Variants in ARID5B observed in about 807,000 individuals in gnomAD.
The protein encoded by ARID5B is AT-rich interactive domain-containing protein 5B.
Under a neutral mutation model 97.2 loss-of-function variants are expected in ARID5B, and 13 were observed. The ratio of observed to expected loss-of-function variants is 0.13; its 90% CI spans 0.09 to 0.21. The LOEUF is 0.21. Ranked by LOEUF, ARID5B falls within the 10% of genes least tolerant of loss-of-function variation. The probability of loss-of-function intolerance (pLI) is 1.00; values close to 1 mark genes in which losing one functional copy is unlikely to be tolerated. For synonymous variants in ARID5B, 556 were observed against 570.3 expected, an observed-to-expected ratio of 0.97 and a Z score of 0.36; for missense variants, 1,210 against 1,465.3, an observed-to-expected ratio of 0.83 and a Z score of 2.84.
At chr10:62,051,255 T>C in intron 5 of ARID5B, 1 of 572,896 alleles carries the variant, frequency 1.7e-6, no homozygotes, top group Non-Finnish European at 3.1e-6. Context: ...CTGTTATGAG[T>C]AAAGGACAGA....
At chr10:61,905,747 C>G (rs1011558881) in intron 2 of ARID5B, among the ~76,000 whole-genome samples, 8 of 152,106 alleles carry the variant, frequency 5.3e-5, no homozygotes, top group African/African-American at 1.7e-4. Flanking sequence ...TCAGTTTTGC[C>G]AAAGGTCACC....
At chr10:61,931,394 TA>T (rs1844207352) in intron 2 of ARID5B, among the ~76,000 whole-genome samples, 1 of 152,102 alleles carries the variant, frequency 6.6e-6, no homozygotes, top group Non-Finnish European at 1.5e-5. Context: ...AATGTAAACC[TA>T]TAAAACTTTT....
At chr10:61,962,144 G>A (rs1330369249) in intron 3 of ARID5B, among the ~76,000 whole-genome samples, 1 of 152,176 alleles carries the variant, frequency 6.6e-6, no homozygotes, top group Non-Finnish European at 1.5e-5. Context: ...GCATAACGTT[G>A]CACAACTGAG....
chr10:62,082,568 C>A (rs771680483), intron 8 of ARID5B, among the ~76,000 whole-genome samples: 8 of 152,166 alleles, frequency 5.3e-5, no homozygotes, highest in South Asian at 4.1e-4. Flanking sequence ...AAATAATCAA[C>A]CTCAAGGCGC....
chr10:61,977,508 C>T (rs907036357), intron 3 of ARID5B, among the ~76,000 whole-genome samples: 2 of 152,222 alleles, frequency 1.3e-5, no homozygotes, highest in African/African-American at 2.4e-5. Flanking sequence ...TCCACATCCT[C>T]TCCAGCACCT....
intron 4 of ARID5B, among the ~76,000 whole-genome samples, chr10:62,046,163 C>G (rs1839705954): frequency 6.6e-6 from 1 of 152,106 alleles, no homozygotes; most frequent in African/African-American, 2.4e-5. Flanking sequence ...AGCAGTTTAT[C>G]TATCTTCGTG....
intron 3 of ARID5B, among the ~76,000 whole-genome samples, chr10:61,996,596 A>T (rs1380478619): frequency 6.6e-6 from 1 of 152,180 alleles, no homozygotes; most frequent in Non-Finnish European, 1.5e-5. Context: ...TGCCACTAAT[A>T]AGGTTGTTGT....
At chr10:62,059,101 G>T in intron 6 of ARID5B, 142 bp from the exon 7 acceptor site, 1 of 586,638 alleles carries the variant, frequency 1.7e-6, no homozygotes, top group Non-Finnish European at 2.9e-6. Context: ...TGGGCAAATT[G>T]TTTCCTAAGA....
At position 61,902,407 on chromosome 10, in the gene ARID5B, T is replaced by C. The variant is rs777696203; in HGVS notation, c.270T>C (p.His90=). The change falls in exon 2 of 10, where the codon CAT becomes CAC. Residue 90 remains histidine (H), a synonymous_variant. Transcript: ENST00000279873. ...CTCCCCAGGGCAGAAATAGCGACCA[T>C]GGCGAGGTGGTAAACCTGTCTGTCC... ...EDTPQGRNSD[H]GEDEVIAVSE... 6.2e-7 allele frequency: 1 copy of C among 1,613,890 alleles called. No homozygotes were observed. The highest frequency in any genetic ancestry group is 8.5e-7 in the Non-Finnish European group (1 of 1,179,852).
intron 3 of ARID5B, among the ~76,000 whole-genome samples, chr10:61,946,058 TTTTATATA>T (rs1307062627): frequency 4.0e-5 from 6 of 148,214 alleles, no homozygotes; most frequent in South Asian, 2.1e-4. Context: ...AACATAAACA[TTTTATATA>T]TTTATATATT....
At chr10:61,911,404 T>C (rs1170389394) in intron 2 of ARID5B, among the ~76,000 whole-genome samples, 1 of 152,206 alleles carries the variant, frequency 6.6e-6, no homozygotes, top group Non-Finnish European at 1.5e-5. Context: ...TTATTAATAG[T>C]CAAAAATATG....
chr10:61,951,349 CTTCT>C (rs369806378), intron 3 of ARID5B, among the ~76,000 whole-genome samples: 7 of 152,270 alleles, frequency 4.6e-5, no homozygotes, highest in African/African-American at 1.7e-4. Context: ...AGTGGTATTG[CTTCT>C]TTCTTCCCTA....
chr10:62,067,557 CA>C (rs1840010204), intron 7 of ARID5B, among the ~76,000 whole-genome samples: 1 of 152,258 alleles, frequency 6.6e-6, no homozygotes, highest in Non-Finnish European at 1.5e-5. Flanking sequence ...ACAGCAGAAA[CA>C]GTGATTCCCA....
intron 4 of ARID5B, among the ~76,000 whole-genome samples, chr10:62,022,462 C>A (rs1839368768): frequency 6.6e-6 from 1 of 152,220 alleles, no homozygotes; most frequent in Non-Finnish European, 1.5e-5. Context: ...GAAAGAGGAG[C>A]TGGCCCTCTC....
At chr10:61,953,460 T>A (rs10994985) in intron 3 of ARID5B, among the ~76,000 whole-genome samples, 139 of 152,234 alleles carry the variant, frequency 9.1e-4, no homozygotes, top group African/African-American at 3.1e-3. Context: ...CTTTTTTTTT[T>A]AATTGAGAAT....
At chr10:61,965,194 T>C (rs1475936175) in intron 3 of ARID5B, among the ~76,000 whole-genome samples, 1 of 152,172 alleles carries the variant, frequency 6.6e-6, no homozygotes, top group African/African-American at 2.4e-5. Flanking sequence ...AGGGTATTTT[T>C]TTTATAGTTT....
intron 2 of ARID5B, among the ~76,000 whole-genome samples, chr10:61,926,020 G>A (rs1330681913): frequency 1.3e-5 from 2 of 152,140 alleles, no homozygotes; most frequent in African/African-American, 4.8e-5. Context: ...GGGCTAGCTT[G>A]GGAAATTAGA....
At chr10:62,038,321 C>G (rs1362239821) in intron 4 of ARID5B, among the ~76,000 whole-genome samples, 1 of 150,804 alleles carries the variant, frequency 6.6e-6, no homozygotes, top group Non-Finnish European at 1.5e-5. Context: ...ATACTTGGTT[C>G]TATAAGTCCC....
chr10:61,965,214 T>C (rs1838527827), intron 3 of ARID5B, among the ~76,000 whole-genome samples: 1 of 152,204 alleles, frequency 6.6e-6, no homozygotes, highest in Non-Finnish European at 1.5e-5. Context: ...TTATGACCCT[T>C]GGCCCAGCCT....
Sources: gnomAD v4.1 joint callset for allele counts (sites outside exome capture counted in the v4.1 genomes callset) on GRCh38, gnomAD v4.1.1 for gene constraint, MANE v1.5 for transcripts, NCBI Gene and HGNC (gene_info 2026-07-23, HGNC 2026-07-21) for gene names.